The following ZNF16 variants were observed in gnomAD, a reference collection of about 807,000 sequenced individuals.
The protein encoded by ZNF16 is zinc finger protein 16.
ZNF16 carries 7 observed loss-of-function variants against 9.0 expected under a neutral mutation model. The observed-to-expected ratio is 0.78, with a 90% confidence interval of 0.44 to 1.47. The LOEUF (loss-of-function observed/expected upper bound fraction) is 1.47, where lower values mean the gene tolerates loss of function less well. Among genes scored for constraint, ZNF16 ranks in the 40% most tolerant of loss-of-function variants. The pLI is 0.01. For missense variants in ZNF16, 830 were observed against 854.2 expected (o/e 0.97, Z 0.35); for synonymous variants, 312 against 301.5 (o/e 1.03, Z -0.36).
chr8:144,946,773 GC>G (rs1833955459), intron 1 of ZNF16, among the ~76,000 whole-genome samples: 1 of 121,682 alleles, frequency 8.2e-6, no homozygotes, highest in Non-Finnish European at 1.7e-5. Context: ...CCTGCTGTGG[GC>G]CTGTGTCCTG....
In ZNF16 at chr8:144,931,039, T is replaced by C. The variant is rs781292246; in HGVS notation, c.1748A>G (p.Asn583Ser). The change falls in exon 3 of 3, where the codon AAC (asparagine) becomes AGC (serine). Residue 583 changes from asparagine to serine, a missense_variant. Transcript: ENST00000394909. ...HECNQCGKAF[N>S]RSSNLIHHQK... ...GTGGTGAATGAGATTTGAGCTTCGG[T>C]TGAAGGCTTTACCACACTGGTTACA... is the stretch of plus-strand genomic sequence containing the variant. 6.1e-5 allele frequency: 98 copies of C among 1,614,000 alleles called. No individual in the cohort carries two copies. Among genetic ancestry groups the C allele is most frequent in the Non-Finnish European group, 7.7e-5 (91 of 1,180,018 alleles).
intron 2 of ZNF16, among the ~76,000 whole-genome samples, chr8:144,937,137 C>CTTTTTTTTTTTTTTTTTTTTTTTTTTTT (rs1554659152): frequency 8.9e-6 from 1 of 112,992 alleles, no homozygotes. Context: ...CACTTTCTTT[C>CTTTTTTTTTTTTTTTTTTTTTTTTTTTT]TCTCTCTTTT....
rs1464250468 is a variant in ZNF16 at position 144,930,707 on chromosome 8, T to C, written c.*31A>G. 6.6e-7 allele frequency: 1 copy of C among 1,515,496 alleles called. No individual in the cohort carries two copies. Among genetic ancestry groups the C allele is most frequent in the Non-Finnish European group, 8.8e-7 (1 of 1,134,360 alleles). The allele number at this position is 1,515,496 out of a possible 1,614,324, so 93.9% of individuals were successfully genotyped here. A position where few individuals can be genotyped will look rare whatever the true frequency, so the allele number is the denominator to read the frequency against. On this transcript the variant is annotated 3_prime_UTR_variant, in exon 3 of 3. Coordinates refer to ENST00000394909, the MANE Select transcript of ZNF16 (RefSeq NM_006958.3). The stretch of plus-strand genomic sequence containing the variant: ...CAAAGAGGAGTTGGAGAGGAAACTA[T>C]GCTCGGTTTCACTCCTGCCAGCCCA...
At chr8:144,935,796 T>A (rs941399633) in intron 2 of ZNF16, among the ~76,000 whole-genome samples, 1 of 152,222 alleles carries the variant, frequency 6.6e-6, no homozygotes, top group African/African-American at 2.4e-5. Context: ...CATCAGTGGC[T>A]GCACCACGAC....
At chr8:144,938,981 A>C (rs1464912032) in intron 2 of ZNF16, among the ~76,000 whole-genome samples, 2 of 151,948 alleles carry the variant, frequency 1.3e-5, no homozygotes, top group Non-Finnish European at 2.9e-5. Flanking sequence ...TTTTATTTGC[A>C]TAAATTGAGA....
Position 144,946,382 on chromosome 8 carries a change from TAA to T in ZNF16, c.-9-169_-9-168del, listed in dbSNP as rs758179462. Reference sequence around the variant, plus strand: ...ATGCTGTGTTTCCTGATCTTGGACCTAAAAAGAGGGAGTCAGCCATGGAGACA... The same window carrying T: ...ATGCTGTGTTTCCTGATCTTGGACCTAAAGAGGGAGTCAGCCATGGAGACA... On this transcript the variant is annotated intron_variant, in intron 1 of 2. Transcript: ENST00000394909. Among the ~76,000 whole-genome samples the T allele has an allele frequency of 8.5e-5, 13 of 152,060 alleles. 1 individual carries two copies. Among genetic ancestry groups the T allele is most frequent in the Non-Finnish European group, 1.8e-4 (12 of 68,006 alleles).
At position 144,933,369 on chromosome 8, in the gene ZNF16, G is replaced by A. The variant is rs567974558; in HGVS notation, c.197-779C>T. 1.6e-4 allele frequency among the ~76,000 whole-genome samples: 24 copies of A among 152,260 alleles called. No homozygotes were observed. Among genetic ancestry groups the A allele is most frequent in the South Asian group, 1.5e-3 (7 of 4,820 alleles). On this transcript the variant is annotated intron_variant, in intron 2 of 2. Coordinates refer to ENST00000394909, the MANE Select transcript of ZNF16 (RefSeq NM_006958.3). This position sits in a 1 kb window ranked among gnomAD's most constrained non-coding sequence, Gnocchi z 5.6. ...ACCCACAATTCTGACTGGTGTTTGC[G>A]GATGACTTCTGGCCTCGTAACAATG...
At chr8:144,936,223 G>A (rs1233061030) in intron 2 of ZNF16, among the ~76,000 whole-genome samples, 1 of 152,136 alleles carries the variant, frequency 6.6e-6, no homozygotes, top group African/African-American at 2.4e-5. Context: ...ACATCTCAGA[G>A]GTTTATCCGC....
rs372773364 is a variant in ZNF16 at position 144,946,118 on chromosome 8, C to G, written c.89G>C (p.Arg30Pro). ...GGTCACAGCAGGAGCATCTCTCACACGGGCCTGGGCTGCAGGGGTCCAGGG... is the reference window on the plus strand; with the variant it reads ...GGTCACAGCAGGAGCATCTCTCACAGGGGCCTGGGCTGCAGGGGTCCAGGG... Reference protein sequence around the residue: ...PSPWTPAAQARVRDAPAVTHP... With the variant: ...PSPWTPAAQAPVRDAPAVTHP... Residue 30 changes from arginine to proline, a missense_variant, in exon 2 of 3, where the codon CGT becomes CCT. Physicochemically the swap from Arg to Pro is moderately radical, Grantham distance 103 (BLOSUM62 -2). Coordinates refer to ENST00000394909, the MANE Select transcript of ZNF16 (RefSeq NM_006958.3). 6.2e-7 allele frequency: 1 copy of G among 1,607,924 alleles called. No homozygotes were observed. The highest frequency in any genetic ancestry group is 8.5e-7 in the Non-Finnish European group (1 of 1,175,446).
At chr8:144,949,474 T>TTACTACACA (rs1491149081) in intron 1 of ZNF16, among the ~76,000 whole-genome samples, 12 of 152,244 alleles carry the variant, frequency 7.9e-5, no homozygotes, top group Non-Finnish European at 1.6e-4. Flanking sequence ...AAGATCAGAC[T>TTACTACACA]GTTACTGTGT....
Position 144,931,194 on chromosome 8 carries a change from G to A in ZNF16, c.1593C>T (p.Asn531=), listed in dbSNP as rs76086701. The stretch of plus-strand genomic sequence containing the variant: ...TGTGGACTCGCTGGTGAAGGATGAG[G>A]TTGGAGCTGCGACCAAAGGTCTTCC... ...ECGKTFGRSS[N]LILHQRVHTG... is the part of the protein sequence containing the mutation. Residue 531 remains asparagine (N), a synonymous_variant, in exon 3 of 3, where the codon AAC becomes AAT. Transcript: ENST00000394909. 3,881 of 1,613,994 alleles carry A rather than the reference G, an allele frequency of 2.4e-3. 7 individuals carry two copies. The highest frequency in any genetic ancestry group is 3.1e-3 in the Non-Finnish European group (3,651 of 1,179,988).
intron 2 of ZNF16, among the ~76,000 whole-genome samples, chr8:144,934,056 TGG>T (rs1833619995): frequency 6.6e-6 from 1 of 152,122 alleles, no homozygotes; most frequent in African/African-American, 2.4e-5. Context: ...TCTCCCTGTC[TGG>T]GACTTCCAGA....
At position 144,930,750 on chromosome 8, in the gene ZNF16, G is replaced by A. The variant is rs1833502899; in HGVS notation, c.2037C>T (p.His679=). ...CCAGCCCAACAGCCTATTCCCTGGTGTGAATCAACTGGTGTTTGATCAACT... is the reference window on the plus strand; with the variant it reads ...CCAGCCCAACAGCCTATTCCCTGGTATGAATCAACTGGTGTTTGATCAACT... ...RSKLIKHQLI[H]TRE Residue 679 remains histidine (H), a synonymous_variant, in exon 3 of 3, where the codon CAC becomes CAT. Transcript: ENST00000394909. 1 of 1,527,896 alleles carries A rather than the reference G, an allele frequency of 6.5e-7. No homozygotes were observed. Among genetic ancestry groups the A allele is most frequent in the African/African-American group, 1.4e-5 (1 of 71,968 alleles). 94.6% of individuals were successfully genotyped at this position (1,527,896 alleles called of 1,614,324 possible).
rs111404714 is a variant in ZNF16, at chr8:144,945,893, T to C, written c.196+118A>G. The stretch of plus-strand genomic sequence containing the variant: ...CCAGCCTTGGCTCCTTGAGTCAGAG[T>C]ACCCCGTCACCCTCCCTACCTGTGA... On this transcript the variant is annotated intron_variant, in intron 2 of 2. Transcript: ENST00000394909. 13,226 of 1,477,098 alleles carry C rather than the reference T, an allele frequency of 9.0e-3. 86 individuals carry two copies. The highest frequency in any genetic ancestry group is 0.015 in the African/African-American group (1,090 of 72,536). 91.5% of individuals were successfully genotyped at this position (1,477,098 alleles called of 1,614,324 possible).
chr8:144,930,592 G>A lies in ZNF16; in HGVS notation c.*146C>T, dbSNP rs3208. On this transcript the variant is annotated 3_prime_UTR_variant, in exon 3 of 3. Transcript: ENST00000394909. Reference sequence around the variant, plus strand: ...GGAGCCTGTAAAGGATGTTTCAAAGGAGGGTCCCAGGCTATGTGGCCACTG... The same window carrying A: ...GGAGCCTGTAAAGGATGTTTCAAAGAAGGGTCCCAGGCTATGTGGCCACTG... 5.3e-3 allele frequency: 4,325 copies of A among 819,114 alleles called. 42 individuals carry two copies. The highest frequency in any genetic ancestry group is 0.017 in the South Asian group (701 of 41,440). 50.7% of individuals were successfully genotyped at this position (819,114 alleles called of 1,614,324 possible). A position where few individuals can be genotyped will look rare whatever the true frequency, so the allele number is the denominator to read the frequency against.
At chr8:144,944,370 G>C (rs1306692970) in intron 2 of ZNF16, 2 of 151,694 alleles carry the variant, frequency 1.3e-5, no homozygotes, top group Non-Finnish European at 2.9e-5. Context: ...GTGGTGCTGG[G>C]TTACAGGCGT....
intron 2 of ZNF16, among the ~76,000 whole-genome samples, chr8:144,941,868 C>A (rs866178893): frequency 6.6e-6 from 1 of 151,510 alleles, no homozygotes; most frequent in South Asian, 2.1e-4. Context: ...CTGTGTTGGC[C>A]AGGATGGTCT....
Position 144,932,087 on chromosome 8 carries a change from C to T in ZNF16, c.700G>A (p.Glu234Lys). ...CAATCATCACACATAAAGGAAGCCT[C>T]CCCAGTGTGGACTATTTGACGCTGA... ...LIQRQIVHTG[E>K]ASFMCDDCGK... Residue 234 changes from glutamate to lysine, a missense_variant, in exon 3 of 3, where the codon GAG (glutamate) becomes AAG (lysine). Physicochemically the swap from Glu to Lys is moderately conservative, Grantham distance 56 (BLOSUM62 1). Coordinates refer to ENST00000394909, the MANE Select transcript of ZNF16 (RefSeq NM_006958.3). The surrounding 1 kb of genome is among the most constrained non-coding windows in gnomAD (Gnocchi z 5.0). The T allele has an allele frequency of 2.5e-6, 4 of 1,614,118 alleles. No individual in the cohort carries two copies. The highest frequency in any genetic ancestry group is 3.4e-6 in the Non-Finnish European group (4 of 1,180,026).
Position 144,932,406 on chromosome 8 carries a change from TG to T in ZNF16, c.380del (p.Pro127HisfsTer22), listed in dbSNP as rs781181689. On this transcript the variant is annotated frameshift_variant, in exon 3 of 3. Transcript: ENST00000394909. LOFTEE classifies it low-confidence loss of function (END_TRUNC). The surrounding 1 kb of genome is among the most constrained non-coding windows in gnomAD (Gnocchi z 5.0). ...AGTCCCCCTCCTGGGAGAGGGACTG[TG>T]GCAGCCTCCTGCCTTCGGGGACTCC... ...DWGVPEGRRL[P>X]QSLSQEGDFT... 1.9e-6 allele frequency: 3 copies of T among 1,614,096 alleles called. No individual in the cohort carries two copies. The African/African-American group carries it at 4.0e-5, about 22-fold the overall frequency.
Sources: allele counts gnomAD v4.1 joint callset (sites outside exome capture counted in the v4.1 genomes callset), GRCh38; gene constraint gnomAD v4.1.1; non-coding constraint Gnocchi (gnomAD v3.1); transcripts MANE v1.5; gene names NCBI Gene and HGNC (gene_info 2026-07-23, HGNC 2026-07-21).